SDK1: variants seen among roughly 807,000 people sequenced by gnomAD.
SDK1 encodes sidekick cell adhesion molecule 1.
A neutral mutation model predicts 245.5 loss-of-function variants in SDK1; 157 were observed. That is an observed-to-expected ratio of 0.64 (90% CI 0.56 to 0.73). The LOEUF (loss-of-function observed/expected upper bound fraction) is 0.73, where lower values mean the gene tolerates loss of function less well. Ranked by LOEUF, SDK1 falls within the 30% of genes least tolerant of loss-of-function variation. The probability of loss-of-function intolerance (pLI) is 0.00; values close to 1 mark genes in which losing one functional copy is unlikely to be tolerated. For missense variants in SDK1, 3,583 were observed against 3,002.3 expected, an observed-to-expected ratio of 1.19 and a Z score of -4.52; for synonymous variants, 1,647 against 1,278.5, an observed-to-expected ratio of 1.29 and a Z score of -6.15.
At chr7:3,983,468 T>C (rs1583723251) in intron 13 of SDK1, among the ~76,000 whole-genome samples, 1 of 149,318 alleles carries the variant, frequency 6.7e-6, no homozygotes, top group African/African-American at 2.4e-5. Context: ...AAGGCTCAGA[T>C]GATCACCTTT....
At chr7:3,536,300 T>G (rs570239221) in intron 1 of SDK1, among the ~76,000 whole-genome samples, 2 of 152,046 alleles carry the variant, frequency 1.3e-5, no homozygotes, top group South Asian at 4.1e-4. Flanking sequence ...TCTCCTGACC[T>G]TGTGATCTGC....
intron 30 of SDK1, among the ~76,000 whole-genome samples, chr7:4,154,524 G>C (rs1428768585): frequency 1.3e-5 from 2 of 152,092 alleles, no homozygotes; most frequent in Non-Finnish European, 2.9e-5. Context: ...TGGCTTCCTG[G>C]GGACAAGTGA....
intron 1 of SDK1, among the ~76,000 whole-genome samples, chr7:3,429,910 A>C (rs1266147114): frequency 6.6e-6 from 1 of 152,200 alleles, no homozygotes; most frequent in Non-Finnish European, 1.5e-5. Context: ...ATATGGAGAC[A>C]CATAGAGATG....
chr7:3,703,466 A>T (rs1239520791), intron 4 of SDK1, among the ~76,000 whole-genome samples: 1 of 152,188 alleles, frequency 6.6e-6, no homozygotes, highest in Non-Finnish European at 1.5e-5. Flanking sequence ...GAATGGGAGG[A>T]TTAGATGTGT....
chr7:4,116,427 C>T (rs1473043749), intron 25 of SDK1, among the ~76,000 whole-genome samples: 1 of 152,196 alleles, frequency 6.6e-6, no homozygotes, highest in Non-Finnish European at 1.5e-5. Context: ...TCTGCACGTG[C>T]CACCCGCTCT....
chr7:4,020,755 C>T (rs1786822562), intron 17 of SDK1, among the ~76,000 whole-genome samples: 2 of 152,224 alleles, frequency 1.3e-5, no homozygotes, highest in Admixed American at 6.5e-5. Context: ...CCAGGCCTCA[C>T]TCCATATTTA....
intron 40 of SDK1, among the ~76,000 whole-genome samples, chr7:4,228,820 G>A (rs1034793812): frequency 1.6e-4 from 24 of 152,152 alleles, no homozygotes; most frequent in Non-Finnish European, 5.9e-5. Context: ...TTACAGGCGG[G>A]AGCCACTGCA....
intron 1 of SDK1, among the ~76,000 whole-genome samples, chr7:3,580,759 G>C (rs1248298172): frequency 1.3e-5 from 2 of 152,006 alleles, no homozygotes; most frequent in African/African-American, 4.8e-5. Context: ...ATGAGGTCAA[G>C]AGATTGAGAC....
intron 4 of SDK1, among the ~76,000 whole-genome samples, chr7:3,664,716 G>T (rs1173087612): frequency 6.7e-6 from 1 of 149,624 alleles, no homozygotes; most frequent in Non-Finnish European, 1.5e-5. Context: ...CTCCAGCCTG[G>T]GCAACAGAGC....
rs61217901 is a variant in SDK1, at chr7:4,194,468, G to GTATA, written c.5099-11404_5099-11401dup. Among the ~76,000 whole-genome samples, 44 of 115,132 alleles carry GTATA rather than the reference G, an allele frequency of 3.8e-4. 2 individuals are homozygous for GTATA. The highest frequency in any genetic ancestry group is 5.6e-3 in the Middle Eastern group (1 of 178). The allele number at this position is 115,132 out of a possible 152,430, so 75.5% of individuals were successfully genotyped here. A position where few individuals can be genotyped will look rare whatever the true frequency, so the allele number is the denominator to read the frequency against. On this transcript the variant is annotated intron_variant, in intron 35 of 44. Transcript: ENST00000404826. ...TGTATACATGTATATATGTGTGTGT[G>GTATA]TATATATATACTCCCATATATATGG... is the stretch of plus-strand genomic sequence containing the variant.
At chr7:4,199,180 T>C (rs892106640) in intron 35 of SDK1, among the ~76,000 whole-genome samples, 4 of 152,158 alleles carry the variant, frequency 2.6e-5, no homozygotes, top group African/African-American at 9.7e-5. Context: ...ACAAACTGCA[T>C]ATAATGCAGT....
chr7:3,530,771 C>G (rs1783317116), intron 1 of SDK1, among the ~76,000 whole-genome samples: 1 of 152,120 alleles, frequency 6.6e-6, no homozygotes, highest in Admixed American at 6.5e-5. Context: ...ATTCATTTAC[C>G]TCAGGAGAAG....
At chr7:3,993,377 C>CCTG (rs1562635694) in intron 14 of SDK1, among the ~76,000 whole-genome samples, 1 of 152,098 alleles carries the variant, frequency 6.6e-6, no homozygotes, top group Admixed American at 6.5e-5. Context: ...AACCTTAACA[C>CCTG]CTGCTGTTGT....
rs1788578219 is a variant in SDK1, at chr7:4,268,085, A to G, written c.*2701A>G. ...AGGACAAACAAAATGTCTCTAAGCC[A>G]GGCTAGATGGAATGTGCTCCCGCTC... On this transcript the variant is annotated 3_prime_UTR_variant, in exon 45 of 45. Coordinates refer to ENST00000404826, the MANE Select transcript of SDK1 (RefSeq NM_152744.4). 1 of 985,534 alleles carries G rather than the reference A, an allele frequency of 1.0e-6. No individual in the cohort carries two copies. Among genetic ancestry groups the G allele is most frequent in the Non-Finnish European group, 1.2e-6 (1 of 829,980 alleles). The allele number at this position is 985,534 out of a possible 1,614,324, so 61.0% of individuals were successfully genotyped here.
rs1779462574 is a variant in SDK1, at chr7:3,741,086, C to G, written c.714-80364C>G. On this transcript the variant is annotated intron_variant, in intron 4 of 44. Coordinates refer to ENST00000404826, the MANE Select transcript of SDK1 (RefSeq NM_152744.4). Reference sequence around the variant, plus strand: ...TGTCTGTGGATTATAGAAAACTTGGCTTCCTTGGCCACATCTCCTTGAAAA... The same window carrying G: ...TGTCTGTGGATTATAGAAAACTTGGGTTCCTTGGCCACATCTCCTTGAAAA... 2.6e-5 allele frequency among the ~76,000 whole-genome samples: 4 copies of G among 152,198 alleles called. No homozygotes were observed. The South Asian group carries it at 8.3e-4, about 31-fold the overall frequency.
chr7:3,396,059 A>C (rs184315153), intron 1 of SDK1, among the ~76,000 whole-genome samples: 3 of 151,532 alleles, frequency 2.0e-5, no homozygotes, highest in African/African-American at 7.3e-5. Flanking sequence ...TATTGATTTG[A>C]GATTTTTTTC....
intron 22 of SDK1, among the ~76,000 whole-genome samples, chr7:4,104,183 C>CAG (rs1328637084): frequency 1.3e-5 from 2 of 152,192 alleles, no homozygotes; most frequent in Non-Finnish European, 2.9e-5. Context: ...CCTCAGCCTC[C>CAG]AGAGTAGCTG....
intron 1 of SDK1, among the ~76,000 whole-genome samples, chr7:3,362,181 G>T (rs982376785): frequency 2.0e-5 from 3 of 152,076 alleles, no homozygotes; most frequent in Admixed American, 6.5e-5. Flanking sequence ...ATTAACCCTG[G>T]GAGAACCCTA....
At chr7:3,886,056 C>T (rs900378023) in intron 5 of SDK1, among the ~76,000 whole-genome samples, 20 of 152,262 alleles carry the variant, frequency 1.3e-4, no homozygotes, top group Admixed American at 7.8e-4. Context: ...GGCAGCAGAT[C>T]GGAGGTTATC....
Sources: allele counts gnomAD v4.1 joint callset (sites outside exome capture counted in the v4.1 genomes callset), GRCh38; gene constraint gnomAD v4.1.1; transcripts MANE v1.5; gene names NCBI Gene and HGNC (gene_info 2026-07-23, HGNC 2026-07-21).